Variants in DEXI observed in about 807,000 individuals in gnomAD.
The protein encoded by DEXI is dexamethasone-induced protein.
In DEXI, 2 loss-of-function variants were observed where a neutral mutation model predicts 2.5. The observed-to-expected ratio is 0.81, with a 90% CI of 0.33 to 2.55. DEXI has a LOEUF of 2.55. Among genes scored for constraint, DEXI ranks in the 30% most tolerant of loss-of-function variants. The pLI is 0.11. For synonymous variants in DEXI, 71 were observed against 68.7 expected (o/e 1.03, Z -0.17); for missense variants, 108 against 130.3 (o/e 0.83, Z 0.83).
Position 10,941,427 on chromosome 16 carries a change from C to T in DEXI, c.*149+142G>A, listed in dbSNP as rs555395718. ...AACGAAGGGCTTAAGAGGAGTCTGGCCATTCCTGGCATCCAGTTAGACCTG... is the reference window on the plus strand; with the variant it reads ...AACGAAGGGCTTAAGAGGAGTCTGGTCATTCCTGGCATCCAGTTAGACCTG... On this transcript the variant is annotated intron_variant, in intron 1 of 1. Transcript: ENST00000331808. The surrounding 1 kb of genome is among the most constrained non-coding windows in gnomAD (Gnocchi z 6.4). 80 of 798,166 alleles carry T rather than the reference C, an allele frequency of 1.0e-4. No homozygotes were observed. The African/African-American group carries it at 1.2e-3, about 12-fold the overall frequency. 49.4% of individuals were successfully genotyped at this position (798,166 alleles called of 1,614,324 possible).
rs1049238672 is a variant in DEXI, at chr16:10,934,982, C to A, written c.*150-5423G>T. ...GGGGGAAGGCTTCCTGGGCTAGAGCCCCTTCAGGGTCTGACACGCCATTGA... is the reference window on the plus strand; with the variant it reads ...GGGGGAAGGCTTCCTGGGCTAGAGCACCTTCAGGGTCTGACACGCCATTGA... On this transcript the variant is annotated intron_variant, in intron 1 of 1. Coordinates refer to ENST00000331808, the MANE Select transcript of DEXI (RefSeq NM_014015.4). This position sits in a 1 kb window ranked among gnomAD's most constrained non-coding sequence, Gnocchi z 4.2. The A allele has an allele frequency of 2.6e-5, 4 of 152,248 alleles. No individual in the cohort carries two copies. The highest frequency in any genetic ancestry group is 9.7e-5 in the African/African-American group (4 of 41,450). The allele number at this position is 152,248 out of a possible 1,614,324, so 9.4% of individuals were successfully genotyped here.
Position 10,942,243 on chromosome 16 carries a change from G to A in DEXI, c.-238C>T. 2.7e-6 allele frequency: 1 copy of A among 368,630 alleles called. No individual in the cohort carries two copies. Among genetic ancestry groups the A allele is most frequent in the Non-Finnish European group, 4.9e-6 (1 of 205,812 alleles). 22.8% of individuals were successfully genotyped at this position (368,630 alleles called of 1,614,324 possible). A position where few individuals can be genotyped will look rare whatever the true frequency, so the allele number is the denominator to read the frequency against. On this transcript the variant is annotated 5_prime_UTR_variant, in exon 1 of 2. Coordinates refer to ENST00000331808, the MANE Select transcript of DEXI (RefSeq NM_014015.4). This position sits in a 1 kb window ranked among gnomAD's most constrained non-coding sequence, Gnocchi z 5.0. The stretch of plus-strand genomic sequence containing the variant: ...CTCTCGACCGCCCGGGCGGCGAGGC[G>A]GGCCCCCCTGAAGTGGCCCGCGGCT...
Position 10,938,547 on chromosome 16 carries a change from C to A in DEXI, c.*149+3022G>T, listed in dbSNP as rs2041060748. ...AAGAGCAGGACTGACTACCGGCGTT[C>A]CCCTGCTTATGGAAAGGGGCCTGGA... On this transcript the variant is annotated intron_variant, in intron 1 of 1. Coordinates refer to ENST00000331808, the MANE Select transcript of DEXI (RefSeq NM_014015.4). The surrounding 1 kb of genome is among the most constrained non-coding windows in gnomAD (Gnocchi z 4.9). 6.6e-6 allele frequency: 1 copy of A among 152,170 alleles called. No individual in the cohort carries two copies. Among genetic ancestry groups the A allele is most frequent in the Non-Finnish European group, 1.5e-5 (1 of 68,038 alleles). The allele number at this position is 152,170 out of a possible 1,614,324, so 9.4% of individuals were successfully genotyped here. A position where few individuals can be genotyped will look rare whatever the true frequency, so the allele number is the denominator to read the frequency against.
Position 10,929,273 on chromosome 16 carries a change from C to T in DEXI, c.*436G>A, listed in dbSNP as rs186156834. 118 of 985,922 alleles carry T rather than the reference C, an allele frequency of 1.2e-4. 1 individual carries two copies. In the East Asian group the frequency reaches 8.8e-3, roughly 74 times the overall value. The allele number at this position is 985,922 out of a possible 1,614,324, so 61.1% of individuals were successfully genotyped here. ...TGTCCGCAGTTTGAAGTGTCCTCTC[C>T]GAAGGTGAAGTGGGGGAAGCAGGTG... is the stretch of plus-strand genomic sequence containing the variant. On this transcript the variant is annotated 3_prime_UTR_variant, in exon 2 of 2. Coordinates refer to ENST00000331808, the MANE Select transcript of DEXI (RefSeq NM_014015.4). This position sits in a 1 kb window ranked among gnomAD's most constrained non-coding sequence, Gnocchi z 4.3.
In DEXI at chr16:10,941,686, G is replaced by C. The variant is rs202166462; in HGVS notation, c.*32C>G. 1.4e-4 allele frequency: 228 copies of C among 1,581,180 alleles called. 2 individuals carry two copies. In the East Asian group the frequency reaches 4.5e-3, roughly 31 times the overall value. On this transcript the variant is annotated 3_prime_UTR_variant, in exon 1 of 2. Transcript: ENST00000331808. The surrounding 1 kb of genome is among the most constrained non-coding windows in gnomAD (Gnocchi z 6.4). ...TGGTCCAGGGCATGGGTTGCGGATC[G>C]TGTAGGGAAGAGGGGAACAGCAGTC...
rs2041090583 is a variant in DEXI at position 10,940,692 on chromosome 16, C to G, written c.*149+877G>C. On this transcript the variant is annotated intron_variant, in intron 1 of 1. Transcript: ENST00000331808. This position sits in a 1 kb window ranked among gnomAD's most constrained non-coding sequence, Gnocchi z 4.2. ...TGCCTCTCTTCCTTGTGACTATGAC[C>G]AAGTCTTACTCCTTCCTGGACCTTC... 1 of 152,370 alleles carries G rather than the reference C, an allele frequency of 6.6e-6. No homozygotes were observed. Among genetic ancestry groups the G allele is most frequent in the South Asian group, 2.1e-4 (1 of 4,836 alleles). 9.4% of individuals were successfully genotyped at this position (152,370 alleles called of 1,614,324 possible).
rs760675584 is a variant in DEXI at position 10,939,773 on chromosome 16, A to G, written c.*149+1796T>C. On this transcript the variant is annotated intron_variant, in intron 1 of 1. Transcript: ENST00000331808. This position sits in a 1 kb window ranked among gnomAD's most constrained non-coding sequence, Gnocchi z 4.9. ...TGTTGAGGACATGGCAGTGAACACA[A>G]CAGGGAAGCTCATGTCCTTCTTGCC... The G allele has an allele frequency of 8.5e-5, 13 of 152,262 alleles. No homozygotes were observed. Among genetic ancestry groups the G allele is most frequent in the Non-Finnish European group, 1.8e-4 (12 of 68,062 alleles). 9.4% of individuals were successfully genotyped at this position (152,262 alleles called of 1,614,324 possible). A position where few individuals can be genotyped will look rare whatever the true frequency, so the allele number is the denominator to read the frequency against.
Position 10,942,032 on chromosome 16 carries a change from G to T in DEXI, c.-27C>A. 1 of 1,372,786 alleles carries T rather than the reference G, an allele frequency of 7.3e-7. No individual in the cohort carries two copies. Among genetic ancestry groups the T allele is most frequent in the Non-Finnish European group, 9.4e-7 (1 of 1,065,020 alleles). The allele number at this position is 1,372,786 out of a possible 1,614,324, so 85.0% of individuals were successfully genotyped here. ...CAGCGGGTGGCAAGGGCGGCGGCCC[G>T]GCGATCCCGGCGAACTCAGCCGCTG... On this transcript the variant is annotated 5_prime_UTR_variant, in exon 1 of 2. Coordinates refer to ENST00000331808, the MANE Select transcript of DEXI (RefSeq NM_014015.4). This position sits in a 1 kb window ranked among gnomAD's most constrained non-coding sequence, Gnocchi z 5.0.
Position 10,941,868 on chromosome 16 carries a change from G to A in DEXI, c.138C>T (p.Leu46=). The A allele has an allele frequency of 6.2e-7, 1 of 1,612,402 alleles. No homozygotes were observed. The highest frequency in any genetic ancestry group is 8.5e-7 in the Non-Finnish European group (1 of 1,179,778). Residue 46 remains leucine (L), a synonymous_variant, in exon 1 of 2, where the codon CTC becomes CTT. Transcript: ENST00000331808. The surrounding 1 kb of genome is among the most constrained non-coding windows in gnomAD (Gnocchi z 6.4). The part of the protein sequence containing the change: ...VNVLILYYAF[L]MEYIVLNVGL... ...CCACGTTGAGGACGATGTACTCCAT[G>A]AGGAAGGCGTAGTACAGGATCAGCA...
rs1159996810 is a variant in DEXI at position 10,929,578 on chromosome 16, G to A, written c.*150-19C>T. Reference sequence around the variant, plus strand: ...AGCAGGTCTAACAAGAAGGAAAAAGGGGGGTTATTAGCACGGAAGCCCCAC... The same window carrying A: ...AGCAGGTCTAACAAGAAGGAAAAAGAGGGGTTATTAGCACGGAAGCCCCAC... On this transcript the variant is annotated intron_variant, in intron 1 of 1. Transcript: ENST00000331808. This position sits in a 1 kb window ranked among gnomAD's most constrained non-coding sequence, Gnocchi z 4.3. 5.1e-6 allele frequency: 5 copies of A among 985,190 alleles called. No individual in the cohort carries two copies. In the African/African-American group the frequency reaches 7.0e-5, roughly 14 times the overall value. The allele number at this position is 985,190 out of a possible 1,614,324, so 61.0% of individuals were successfully genotyped here. A position where few individuals can be genotyped will look rare whatever the true frequency, so the allele number is the denominator to read the frequency against.
chr16:10,931,921 C>T (rs1013643509), intron 1 of DEXI: 2 of 152,188 alleles, frequency 1.3e-5, no homozygotes, highest in Middle Eastern at 3.2e-3. Context: ...CTTTTCAAAA[C>T]ATTTTACTTT....
chr16:10,941,443 G>C lies in DEXI; in HGVS notation c.*149+126C>G. ...GGAGTCTGGCCATTCCTGGCATCCA[G>C]TTAGACCTGGAGGAGGTGAACGGAG... On this transcript the variant is annotated intron_variant, in intron 1 of 1. Coordinates refer to ENST00000331808, the MANE Select transcript of DEXI (RefSeq NM_014015.4). The surrounding 1 kb of genome is among the most constrained non-coding windows in gnomAD (Gnocchi z 6.4). 2.0e-6 allele frequency: 2 copies of C among 988,836 alleles called. No individual in the cohort carries two copies. The highest frequency in any genetic ancestry group is 1.3e-6 in the Non-Finnish European group (1 of 753,374). The allele number at this position is 988,836 out of a possible 1,614,324, so 61.3% of individuals were successfully genotyped here.
intron 1 of DEXI, chr16:10,930,256 A>T (rs978943738): frequency 6.6e-6 from 1 of 152,276 alleles, no homozygotes; most frequent in African/African-American, 2.4e-5. Context: ...AACTTCACTG[A>T]ACATCTCGCA....
Position 10,941,745 on chromosome 16 carries a change from G to C in DEXI, c.261C>G (p.Leu87=), listed in dbSNP as rs1393812044. The C allele has an allele frequency of 6.2e-7, 1 of 1,611,906 alleles. No individual in the cohort carries two copies. Among genetic ancestry groups the C allele is most frequent in the Non-Finnish European group, 8.5e-7 (1 of 1,178,964 alleles). Residue 87 remains leucine (L), a synonymous_variant, in exon 1 of 2, where the codon CTC becomes CTG. Coordinates refer to ENST00000331808, the MANE Select transcript of DEXI (RefSeq NM_014015.4). This position sits in a 1 kb window ranked among gnomAD's most constrained non-coding sequence, Gnocchi z 6.4. ...GSGLYDADSE[L]DVFDAYLE is the part of the protein sequence containing the mutation. ...ACTCCAAGTACGCATCAAAGACGTC[G>C]AGCTCCGAGTCAGCATCGTAAAGGC...
intron 1 of DEXI, chr16:10,930,088 C>T (rs1218928533): frequency 6.6e-6 from 1 of 152,384 alleles, no homozygotes; most frequent in Non-Finnish European, 1.5e-5. Flanking sequence ...TGGCCTGGCC[C>T]CCTGGCACGT....
rs1371832966 is a variant in DEXI at position 10,941,906 on chromosome 16, A to G, written c.100T>C (p.Phe34Leu). 4.4e-6 allele frequency: 7 copies of G among 1,608,418 alleles called. No homozygotes were observed. The highest frequency in any genetic ancestry group is 1.7e-5 in the Admixed American group (1 of 59,366). ...TACAGGATCAGCACATTGACGAAGA[A>G]CAGGCCCACGTAGAACATAGAGGGC... ...LLPSMFYVGL[F>L]FVNVLILYYA... Residue 34 changes from phenylalanine to leucine, a missense_variant, in exon 1 of 2, where the codon TTC becomes CTC. Transcript: ENST00000331808. The surrounding 1 kb of genome is among the most constrained non-coding windows in gnomAD (Gnocchi z 6.4).
chr16:10,932,648 AAATC>A (rs984299913), intron 1 of DEXI: 3 of 149,530 alleles, frequency 2.0e-5, no homozygotes, highest in Non-Finnish European at 4.5e-5. Flanking sequence ...AAATAAAACA[AAATC>A]ACACACACAC....
Position 10,941,811 on chromosome 16 carries a change from C to G in DEXI, c.195G>C (p.Gln65His). ...GLVFLPEDMD[Q>H]ALVDLGVLSD... ...AGAGCACGCCGAGGTCCACGAGCGC[C>G]TGGTCCATGTCCTCGGGCAGGAAGA... The change falls in exon 1 of 2, where the codon CAG becomes CAC. Residue 65 changes from glutamine (Q) to histidine (H), a missense_variant. Coordinates refer to ENST00000331808, the MANE Select transcript of DEXI (RefSeq NM_014015.4). The surrounding 1 kb of genome is among the most constrained non-coding windows in gnomAD (Gnocchi z 6.4). 1 of 1,613,648 alleles carries G rather than the reference C, an allele frequency of 6.2e-7. No individual in the cohort carries two copies.
At chr16:10,932,052 A>G (rs757995592) in intron 1 of DEXI, 7 of 152,264 alleles carry the variant, frequency 4.6e-5, no homozygotes, top group Non-Finnish European at 1.0e-4. Context: ...CACTCAGTCC[A>G]TAGCAGAGAA....
Sources: gnomAD v4.1 joint callset for allele counts on GRCh38, gnomAD v4.1.1 for gene constraint, Gnocchi (gnomAD v3.1) non-coding constraint, MANE v1.5 for transcripts, NCBI Gene and HGNC (gene_info 2026-07-23, HGNC 2026-07-21) for gene names.